HTT: variants seen among roughly 807,000 people sequenced by gnomAD.
HTT encodes huntingtin.
In HTT, 104 loss-of-function variants were observed where a neutral mutation model predicts 362.3. The ratio of observed to expected loss-of-function variants is 0.29; its 90% CI spans 0.24 to 0.34. The LOEUF is 0.34. HTT is among the 10% of genes least tolerant of loss of function. The pLI is 1.00. For synonymous variants in HTT, 1,577 were observed against 1,548.7 expected (o/e 1.02, Z -0.43); for missense variants, 3,301 against 3,928.6 (o/e 0.84, Z 4.27).
intron 41 of HTT, among the ~76,000 whole-genome samples, chr4:3,201,042 G>C (rs1393078795): frequency 2.0e-5 from 3 of 152,248 alleles, no homozygotes; most frequent in Non-Finnish European, 4.4e-5. Context: ...ATGCTTAGAT[G>C]ATGAGTGTTT....
At chr4:3,190,717 A>G (rs1475121124) in intron 40 of HTT, among the ~76,000 whole-genome samples, 1 of 152,258 alleles carries the variant, frequency 6.6e-6, no homozygotes, top group Non-Finnish European at 1.5e-5. Flanking sequence ...TGACAAGGAC[A>G]GTGAACCCAA....
At chr4:3,207,184 A>T (rs561496099) in intron 44 of HTT, 97 bp from the exon 45 acceptor site, 2 of 1,190,302 alleles carry the variant, frequency 1.7e-6, no homozygotes, top group South Asian at 2.6e-5. Context: ...CCTTACTAGG[A>T]TGAACTGTAC....
At position 3,204,034 on chromosome 4, in the gene HTT, A is replaced by G; in HGVS notation, c.5604A>G (p.Leu1868=). ...GACACAGTCTGTCCAGCACAAAGTTACTTAGTCCCCAGATGTCTGGAGAAG... is the reference window on the plus strand; with the variant it reads ...GACACAGTCTGTCCAGCACAAAGTTGCTTAGTCCCCAGATGTCTGGAGAAG... ...PKRHSLSSTK[L]LSPQMSGEEE... Residue 1868 remains leucine, a synonymous_variant, in exon 42 of 67, where the codon TTA becomes TTG. Transcript: ENST00000355072. The G allele has an allele frequency of 6.2e-7, 1 of 1,614,172 alleles. No individual in the cohort carries two copies. Among genetic ancestry groups the G allele is most frequent in the Non-Finnish European group, 8.5e-7 (1 of 1,179,984 alleles).
At chr4:3,099,009 G>A (rs1403920852) in intron 2 of HTT, among the ~76,000 whole-genome samples, 1 of 152,162 alleles carries the variant, frequency 6.6e-6, no homozygotes, top group African/African-American at 2.4e-5. Context: ...AAAAAAATTA[G>A]ATAGGGTAGG....
At chr4:3,234,772 G>A (rs888152694) in intron 61 of HTT, among the ~76,000 whole-genome samples, 3 of 152,162 alleles carry the variant, frequency 2.0e-5, no homozygotes, top group African/African-American at 7.2e-5. Context: ...TTTTGTGGGT[G>A]TTGGGGGGCA....
At chr4:3,219,546 T>C (rs1720579906) in intron 52 of HTT, among the ~76,000 whole-genome samples, 2 of 152,144 alleles carry the variant, frequency 1.3e-5, no homozygotes, top group African/African-American at 4.8e-5. Context: ...AGAGATTAGC[T>C]GGTCATTATC....
intron 57 of HTT, among the ~76,000 whole-genome samples, chr4:3,226,372 G>A (rs1720916274): frequency 1.3e-5 from 2 of 152,208 alleles, no homozygotes. Flanking sequence ...TTAGGAGGCT[G>A]AGGCAGGAGG....
chr4:3,213,289 G>A (rs1720249396), intron 49 of HTT, among the ~76,000 whole-genome samples: 1 of 152,252 alleles, frequency 6.6e-6, no homozygotes, highest in Non-Finnish European at 1.5e-5. Context: ...ACCACGTGGA[G>A]TCATATGGTT....
chr4:3,148,793 G>A (rs550759605), intron 26 of HTT, among the ~76,000 whole-genome samples: 6 of 148,896 alleles, frequency 4.0e-5, no homozygotes, highest in South Asian at 2.1e-4. Context: ...GCGAGACTCC[G>A]TCTCAAAAAA....
chr4:3,220,903 C>T (rs1280141314), intron 53 of HTT, among the ~76,000 whole-genome samples: 1 of 152,002 alleles, frequency 6.6e-6, no homozygotes, highest in Admixed American at 6.6e-5. Flanking sequence ...AAATGGGGGT[C>T]GTGTCTATTT....
At position 3,180,645 on chromosome 4, in the gene HTT, C is replaced by T; in HGVS notation, c.4743C>T (p.Tyr1581=). 6.2e-7 allele frequency: 1 copy of T among 1,612,082 alleles called. No individual in the cohort carries two copies. The highest frequency in any genetic ancestry group is 8.5e-7 in the Non-Finnish European group (1 of 1,179,068). Residue 1581 remains tyrosine, a synonymous_variant, in exon 36 of 67, where the codon TAC becomes TAT. Transcript: ENST00000355072. ...VVSMLLRLIQ[Y]HQVLEMFILV... ...CAATGTTACTGAGACTCATCCAGTA[C>T]CATCAGGTAAGAGGAATGTATGTTG...
chr4:3,175,857 T>C (rs1718212785), intron 33 of HTT, among the ~76,000 whole-genome samples: 1 of 152,172 alleles, frequency 6.6e-6, no homozygotes, highest in Non-Finnish European at 1.5e-5. Context: ...GTTAGAAATA[T>C]TACACTTCTC....
chr4:3,079,859 C>T (rs895506579), intron 1 of HTT, among the ~76,000 whole-genome samples: 4 of 152,140 alleles, frequency 2.6e-5, no homozygotes, highest in Non-Finnish European at 4.4e-5. Flanking sequence ...TACCGGCTGT[C>T]GGCTGTGGGC....
At chr4:3,118,922 G>T (rs1266878916) in intron 8 of HTT, among the ~76,000 whole-genome samples, 2 of 152,166 alleles carry the variant, frequency 1.3e-5, no homozygotes, top group Non-Finnish European at 2.9e-5. Context: ...GTTCAATTCA[G>T]CAAATGTAGT....
At position 3,140,543 on chromosome 4, in the gene HTT, A is replaced by C; in HGVS notation, c.2832A>C (p.Gln944His). 6.2e-7 allele frequency: 1 copy of C among 1,614,142 alleles called. No individual in the cohort carries two copies. Among genetic ancestry groups the C allele is most frequent in the African/African-American group, 1.3e-5 (1 of 75,050 alleles). Reference protein sequence around the residue: ...LVPKLFYKCDQGQADPVVAVA... With the variant: ...LVPKLFYKCDHGQADPVVAVA... ...CAAAGCTGTTTTATAAATGTGACCA[A>C]GGACAAGCTGATCCAGTAGTGGCCG... Residue 944 changes from glutamine to histidine, a missense_variant, in exon 22 of 67, where the codon CAA (glutamine) becomes CAC (histidine). Gln to His is a conservative substitution (Grantham distance 24, BLOSUM62 0). Transcript: ENST00000355072.
chr4:3,168,021 T>TA (rs1257315215), intron 29 of HTT, among the ~76,000 whole-genome samples: 2 of 152,236 alleles, frequency 1.3e-5, no homozygotes, highest in Admixed American at 6.5e-5. Context: ...GTTGAGTTTT[T>TA]ATCCGTGGTC....
intron 10 of HTT, 125 bp downstream of exon 10, chr4:3,123,061 G>C (rs960560452): frequency 4.9e-6 from 3 of 610,460 alleles, no homozygotes; most frequent in Non-Finnish European, 5.5e-6. Context: ...CTTCTCAGAT[G>C]AGTGATTATA....
chr4:3,107,357 C>G lies in HTT; in HGVS notation c.681C>G (p.Thr227=), dbSNP rs781538201. ...SKRPEESVQE[T]LAAAVPKIMA... The stretch of plus-strand genomic sequence containing the variant: ...GACCCGAAGAATCAGTCCAGGAGAC[C>G]TTGGCTGCAGCTGTTCCCAAAATTA... The change falls in exon 6 of 67, where the codon ACC becomes ACG. Residue 227 remains threonine (T), a synonymous_variant. Coordinates refer to ENST00000355072, the MANE Select transcript of HTT (RefSeq NM_001388492.1). 6 of 1,614,212 alleles carry G rather than the reference C, an allele frequency of 3.7e-6. No individual in the cohort carries two copies. The South Asian group carries it at 5.5e-5, about 15-fold the overall frequency.
At chr4:3,125,702 C>T in intron 11 of HTT, 73 bp downstream of exon 11, 2 of 1,087,428 alleles carry the variant, frequency 1.8e-6, no homozygotes, top group South Asian at 1.3e-5. Context: ...TCCTGCTCGT[C>T]CCCCTGCACC....
Sources: allele counts gnomAD v4.1 joint callset (sites outside exome capture counted in the v4.1 genomes callset), GRCh38; gene constraint gnomAD v4.1.1; transcripts MANE v1.5; gene names NCBI Gene and HGNC (gene_info 2026-07-23, HGNC 2026-07-21).